The following GATA2 variants were observed in gnomAD, a reference collection of about 807,000 sequenced individuals.
The protein encoded by GATA2 is GATA binding protein 2.
In GATA2, 6 loss-of-function variants were observed where a neutral mutation model predicts 35.7. The ratio of observed to expected loss-of-function variants is 0.17; its 90% CI spans 0.09 to 0.33. The LOEUF is 0.33. Among genes scored for constraint, GATA2 ranks in the 10% least tolerant of loss-of-function variants. The probability of loss-of-function intolerance (pLI) is 1.00; values close to 1 mark genes in which losing one functional copy is unlikely to be tolerated. For synonymous variants in GATA2, 313 were observed against 274.9 expected (o/e 1.14, Z -1.37); for missense variants, 541 against 656.6 (o/e 0.82, Z 1.92).
intron 1 of GATA2, chr3:128,489,206 A>C (rs1474647277): frequency 2.6e-5 from 4 of 152,030 alleles, no homozygotes; most frequent in Non-Finnish European, 4.4e-5. Context: ...ATTCGCCAGG[A>C]AATGAACTTT....
intron 1 of GATA2, chr3:128,490,564 G>C (rs1005182832): frequency 6.6e-6 from 1 of 152,250 alleles, no homozygotes; most frequent in Non-Finnish European, 1.5e-5. Context: ...ATTCTCTGGC[G>C]GAAACGAACC....
rs371834616 is a variant in GATA2 at position 128,486,695 on chromosome 3, T to C, written c.229+108A>G. The C allele has an allele frequency of 6.0e-5, 70 of 1,162,208 alleles. 2 individuals carry two copies. In the South Asian group the frequency reaches 9.4e-4, roughly 16 times the overall value. 72.0% of individuals were successfully genotyped at this position (1,162,208 alleles called of 1,614,324 possible). A position where few individuals can be genotyped will look rare whatever the true frequency, so the allele number is the denominator to read the frequency against. ...TCTCCCGCCCCAATTTTTCAGCAGC[T>C]CGATTCCTGCGGATCCTACATCCGG... is the stretch of plus-strand genomic sequence containing the variant. On this transcript the variant is annotated intron_variant, in intron 2 of 5. Transcript: ENST00000341105.
Position 128,481,872 on chromosome 3 carries a change from C to T in GATA2, c.1090G>A (p.Ala364Thr), listed in dbSNP as rs766504293. Residue 364 changes from alanine (A) to threonine (T), a missense_variant, in exon 5 of 6, where the codon GCC becomes ACC. Physicochemically the swap from Ala to Thr is moderately conservative, Grantham distance 58. This residue lies in a region of GATA2 where 23 missense variants were observed against 67.2 expected (regional missense o/e 0.34). Coordinates refer to ENST00000341105, the MANE Select transcript of GATA2 (RefSeq NM_032638.5). ...GCGTTGCAGACAGGGTCCCCGTTGGCGTTTCGGCGCCATAAGGTGGTGGTT... is the reference window on the plus strand; with the variant it reads ...GCGTTGCAGACAGGGTCCCCGTTGGTGTTTCGGCGCCATAAGGTGGTGGTT... ...TTTTTLWRRNANGDPVCNACG... is the reference protein window; with the variant it reads ...TTTTTLWRRNTNGDPVCNACG... 21 of 1,613,956 alleles carry T rather than the reference C, an allele frequency of 1.3e-5. No homozygotes were observed. Among genetic ancestry groups the T allele is most frequent in the East Asian group, 6.7e-5 (3 of 44,872 alleles).
At position 128,488,255 on chromosome 3, in the gene GATA2, C is replaced by T. The variant is rs1390605082; in HGVS notation, c.-45-1179G>A. ...CACCAACTGCCCCCTCCCCAGGAGC[C>T]CGGGCCGCACACCCTCTGGATGGCC... On this transcript the variant is annotated intron_variant, in intron 1 of 5. Coordinates refer to ENST00000341105, the MANE Select transcript of GATA2 (RefSeq NM_032638.5). The surrounding 1 kb of genome is among the most constrained non-coding windows in gnomAD (Gnocchi z 5.8). 1 of 152,626 alleles carries T rather than the reference C, an allele frequency of 6.6e-6. No individual in the cohort carries two copies. The highest frequency in any genetic ancestry group is 1.9e-4 in the East Asian group (1 of 5,180). The allele number at this position is 152,626 out of a possible 1,614,324, so 9.5% of individuals were successfully genotyped here.
At position 128,481,819 on chromosome 3, in the gene GATA2, A is replaced by G. The variant is rs1576745111; in HGVS notation, c.1143T>C (p.Asn381=). 1.2e-5 allele frequency: 19 copies of G among 1,613,544 alleles called. No homozygotes were observed. Among genetic ancestry groups the G allele is most frequent in the Non-Finnish European group, 1.6e-5 (19 of 1,179,798 alleles). ...NACGLYYKLH[N]VNRPLTMKKE... Reference sequence around the variant, plus strand: ...GGTGGCCGGGGCGGGGCGCACTCACATTGTGCAGCTTGTAGTAGAGGCCAC... The same window carrying G: ...GGTGGCCGGGGCGGGGCGCACTCACGTTGTGCAGCTTGTAGTAGAGGCCAC... The change falls in exon 5 of 6, where the codon AAT becomes AAC. Residue 381 remains asparagine, a splice_region_variant and synonymous_variant. Coordinates refer to ENST00000341105, the MANE Select transcript of GATA2 (RefSeq NM_032638.5).
rs1042522982 is a variant in GATA2, at chr3:128,488,568, G to A, written c.-45-1492C>T. 1.3e-5 allele frequency: 2 copies of A among 152,284 alleles called. No homozygotes were observed. Among genetic ancestry groups the A allele is most frequent in the African/African-American group, 4.8e-5 (2 of 41,440 alleles). The allele number at this position is 152,284 out of a possible 1,614,324, so 9.4% of individuals were successfully genotyped here. ...GCCGGTGGCTCCAGAAAGGGGGAGG[G>A]GGCACCCCTCCCCGGGCGTGGCCTT... On this transcript the variant is annotated intron_variant, in intron 1 of 5. Transcript: ENST00000341105. The surrounding 1 kb of genome is among the most constrained non-coding windows in gnomAD (Gnocchi z 5.8).
intron 3 of GATA2, 110 bp downstream of exon 3, chr3:128,485,617 C>G (rs1291494380): frequency 1.5e-6 from 2 of 1,321,400 alleles, no homozygotes; most frequent in Admixed American, 2.0e-5. Flanking sequence ...AGACATCACC[C>G]ATCCCCAGAT....
intron 1 of GATA2, 25 bp from the exon 2 acceptor site, chr3:128,487,101 C>A: frequency 7.5e-7 from 1 of 1,331,688 alleles, no homozygotes; most frequent in South Asian, 1.4e-5. Flanking sequence ...GGGAGTGAGG[C>A]GTGCCGCCAG....
Position 128,479,635 on chromosome 3 carries a change from T to TA in GATA2, c.*1383dup. The TA allele has an allele frequency of 4.3e-6, 1 of 233,672 alleles. No homozygotes were observed. Among genetic ancestry groups the TA allele is most frequent in the Non-Finnish European group, 8.5e-6 (1 of 118,006 alleles). 14.5% of individuals were successfully genotyped at this position (233,672 alleles called of 1,614,324 possible). Reference sequence around the variant, plus strand: ...ATGCGGACACTAGTACAAAATAAGTTACTTCTGGCCGTGGTGCTCCCTGCA... The same window carrying TA: ...ATGCGGACACTAGTACAAAATAAGTTAACTTCTGGCCGTGGTGCTCCCTGCA... On this transcript the variant is annotated 3_prime_UTR_variant, in exon 6 of 6. Transcript: ENST00000341105.
chr3:128,483,808 C>A, intron 4 of GATA2, 52 bp downstream of exon 4: 2 of 1,613,188 alleles, frequency 1.2e-6, no homozygotes, highest in Non-Finnish European at 1.7e-6. Context: ...CTGTAATTAA[C>A]CGCCAGCTCC....
intron 4 of GATA2, among the ~76,000 whole-genome samples, chr3:128,483,105 GA>G (rs898581825): frequency 6.6e-6 from 1 of 152,138 alleles, no homozygotes; most frequent in Non-Finnish European, 1.5e-5. Context: ...CGCTCCAGGG[GA>G]AAAAAAGGCC....
chr3:128,484,521 C>G (rs2068670543), intron 3 of GATA2, among the ~76,000 whole-genome samples: 1 of 152,172 alleles, frequency 6.6e-6, no homozygotes, highest in Non-Finnish European at 1.5e-5. Flanking sequence ...CAACTTTTCT[C>G]CTCTTCCACC....
intron 1 of GATA2, among the ~76,000 whole-genome samples, chr3:128,491,217 C>CG (rs1159207472): frequency 8.2e-6 from 1 of 121,726 alleles, no homozygotes; most frequent in Non-Finnish European, 1.7e-5. Context: ...AGCCCCCCCC[C>CG]CCCTCTGAGC....
chr3:128,484,062 G>A, intron 3 of GATA2, 57 bp from the exon 4 acceptor site: 1 of 1,593,680 alleles, frequency 6.3e-7, no homozygotes. Flanking sequence ...TTCTCGGGAG[G>A]GAGTCCAGGG....
At chr3:128,484,068 C>G in intron 3 of GATA2, 63 bp from the exon 4 acceptor site, 1 of 1,587,770 alleles carries the variant, frequency 6.3e-7, no homozygotes, top group Non-Finnish European at 8.5e-7. Flanking sequence ...GGAGGGAGTC[C>G]AGGGCAGGAA....
chr3:128,485,080 A>G (rs570478486), intron 3 of GATA2, among the ~76,000 whole-genome samples: 10 of 152,266 alleles, frequency 6.6e-5, no homozygotes, highest in African/African-American at 2.2e-4. Flanking sequence ...CAGCTGCGGG[A>G]AAAGGGGCGG....
At chr3:128,492,591 G>A (rs1359714193) in intron 1 of GATA2, among the ~76,000 whole-genome samples, 1 of 152,224 alleles carries the variant, frequency 6.6e-6, no homozygotes, top group Non-Finnish European at 1.5e-5. Flanking sequence ...CCGAGACAAA[G>A]GCCCCAGTTC....
intron 2 of GATA2, 147 bp from the exon 3 acceptor site, chr3:128,486,515 C>A: frequency 9.7e-7 from 1 of 1,029,180 alleles, no homozygotes; most frequent in Non-Finnish European, 1.4e-6. Flanking sequence ...AATACCCCAC[C>A]GGTAATAATC....
chr3:128,482,116 A>G, intron 4 of GATA2, 172 bp from the exon 5 acceptor site: 1 of 816,170 alleles, frequency 1.2e-6, no homozygotes, highest in Non-Finnish European at 1.9e-6. Flanking sequence ...GAACGAAATA[A>G]GTCAAGACTC....
Sources: gnomAD v4.1 joint callset for allele counts (sites outside exome capture counted in the v4.1 genomes callset) on GRCh38, gnomAD v4.1.1 for gene constraint, gnomAD v4.1.1 regional missense constraint, Gnocchi (gnomAD v3.1) non-coding constraint, MANE v1.5 for transcripts, NCBI Gene and HGNC (gene_info 2026-07-23, HGNC 2026-07-21) for gene names.